Variants in TTC29 observed in about 807,000 individuals in gnomAD.
The protein encoded by TTC29 is tetratricopeptide repeat domain 29.
Under a neutral mutation model 58.1 loss-of-function variants are expected in TTC29, and 49 were observed. That is an observed-to-expected ratio of 0.84 (90% CI 0.67 to 1.07). The LOEUF is 1.07. Among genes scored for constraint, TTC29 ranks in the 50% least tolerant of loss-of-function variants. The pLI, the probability that TTC29 is intolerant of heterozygous loss-of-function variation, is 0.00. For synonymous variants in TTC29, 209 were observed against 196.8 expected (o/e 1.06, Z -0.52); for missense variants, 582 against 555.6 (o/e 1.05, Z -0.48).
At chr4:146,776,213 C>T (rs372327897) in intron 11 of TTC29, among the ~76,000 whole-genome samples, 1 of 152,122 alleles carries the variant, frequency 6.6e-6, no homozygotes, top group Admixed American at 6.5e-5. Context: ...TCCTTAGATT[C>T]CTTGGATTGG....
intron 7 of TTC29, among the ~76,000 whole-genome samples, chr4:146,874,021 TAAG>T (rs1160986618): frequency 6.6e-6 from 1 of 152,188 alleles, no homozygotes; most frequent in East Asian, 1.9e-4. Context: ...TAAAAGCTTA[TAAG>T]AATATGCTCC....
intron 6 of TTC29, among the ~76,000 whole-genome samples, chr4:146,883,887 G>T (rs995299983): frequency 3.3e-5 from 5 of 151,948 alleles, no homozygotes; most frequent in African/African-American, 1.2e-4. Flanking sequence ...TGAAAAAAAA[G>T]AAGCAATGAA....
chr4:146,769,505 G>T lies in TTC29; in HGVS notation c.1330+33952C>A, dbSNP rs1747563124. Among the ~76,000 whole-genome samples, 6 of 151,978 alleles carry T rather than the reference G, an allele frequency of 3.9e-5. No homozygotes were observed. The South Asian group carries it at 1.0e-3, about 26-fold the overall frequency. On this transcript the variant is annotated intron_variant, in intron 11 of 12. Coordinates refer to ENST00000325106, the MANE Select transcript of TTC29 (RefSeq NM_031956.4). ...TCTAGCTTTTAGATACTAAAATAGGGATTAAGCATATATTTTTTATGCCTA... is the reference window on the plus strand; with the variant it reads ...TCTAGCTTTTAGATACTAAAATAGGTATTAAGCATATATTTTTTATGCCTA...
chr4:146,870,341 T>C (rs1367598569), intron 7 of TTC29, among the ~76,000 whole-genome samples: 1 of 151,944 alleles, frequency 6.6e-6, no homozygotes, highest in Non-Finnish European at 1.5e-5. Flanking sequence ...CCAAAATGTA[T>C]GGGATACAAC....
chr4:146,800,770 A>C (rs1750159406), intron 11 of TTC29, among the ~76,000 whole-genome samples: 1 of 152,236 alleles, frequency 6.6e-6, no homozygotes, highest in Admixed American at 6.5e-5. Flanking sequence ...TACCTAGTAG[A>C]TGCCAAACAT....
chr4:146,885,565 T>A (rs958976560), intron 6 of TTC29, among the ~76,000 whole-genome samples: 1 of 152,100 alleles, frequency 6.6e-6, no homozygotes, highest in Non-Finnish European at 1.5e-5. Context: ...GGATATACAC[T>A]TTAATCATCT....
intron 11 of TTC29, among the ~76,000 whole-genome samples, chr4:146,721,334 G>A (rs951054414): frequency 2.0e-5 from 3 of 152,080 alleles, no homozygotes; most frequent in Non-Finnish European, 2.9e-5. Context: ...AAGTGCACAC[G>A]ATACAAATGT....
intron 11 of TTC29, among the ~76,000 whole-genome samples, chr4:146,753,437 C>G (rs1001282449): frequency 2.0e-5 from 3 of 152,164 alleles, no homozygotes; most frequent in African/African-American, 7.2e-5. Flanking sequence ...AATAGGAACA[C>G]TTTTACACTG....
intron 9 of TTC29, among the ~76,000 whole-genome samples, chr4:146,827,688 A>G (rs1727900080): frequency 5.9e-5 from 9 of 152,190 alleles, no homozygotes; most frequent in Admixed American, 5.9e-4. Flanking sequence ...GTGGGATTAA[A>G]AATTGTGTAA....
chr4:146,885,032 G>A (rs1343593611), intron 6 of TTC29, among the ~76,000 whole-genome samples: 1 of 151,884 alleles, frequency 6.6e-6, no homozygotes, highest in African/African-American at 2.4e-5. Flanking sequence ...TCTCATACAT[G>A]AATACAATAC....
intron 11 of TTC29, among the ~76,000 whole-genome samples, chr4:146,801,927 C>T (rs187529067): frequency 3.7e-4 from 46 of 125,528 alleles, no homozygotes; most frequent in Admixed American, 2.0e-3. Flanking sequence ...TGCAGTGAGC[C>T]GAGATCATGC....
At position 146,874,804 on chromosome 4, in the gene TTC29, G is replaced by A. The variant is rs991090869; in HGVS notation, c.711C>T (p.Tyr237=). 1.2e-6 allele frequency: 2 copies of A among 1,612,530 alleles called. No homozygotes were observed. Among genetic ancestry groups the A allele is most frequent in the Non-Finnish European group, 1.7e-6 (2 of 1,179,428 alleles). ...CTAGCATTTTGTCTGAGAGTAATCT[G>A]TAAGTCCTCAGGAGACTCTCACAGG... ...LLACESLLRT[Y]RLLSDKMLEN... is the part of the protein sequence containing the mutation. Residue 237 remains tyrosine, a synonymous_variant, in exon 7 of 13, where the codon TAC becomes TAT. Coordinates refer to ENST00000325106, the MANE Select transcript of TTC29 (RefSeq NM_031956.4).
chr4:146,903,877 ATTTAT>A lies in TTC29; in HGVS notation c.401-153_401-149del, dbSNP rs557496731. ...AAATTGGGTCTAAAAGCAAAAATTAATTTATTTTAACTATTATATTAATTACATTA... is the reference window on the plus strand; with the variant it reads ...AAATTGGGTCTAAAAGCAAAAATTAATTTAACTATTATATTAATTACATTA... On this transcript the variant is annotated intron_variant, in intron 5 of 12. Transcript: ENST00000325106. The A allele has an allele frequency of 1.8e-3, 885 of 492,798 alleles. 7 individuals carry two copies. The highest frequency in any genetic ancestry group is 0.014 in the African/African-American group (714 of 49,962). The allele number at this position is 492,798 out of a possible 1,614,324, so 30.5% of individuals were successfully genotyped here.
At chr4:146,881,324 T>C (rs1394334432) in intron 6 of TTC29, among the ~76,000 whole-genome samples, 1 of 152,170 alleles carries the variant, frequency 6.6e-6, no homozygotes, top group Non-Finnish European at 1.5e-5. Context: ...ATAAGACCTA[T>C]TTCTTCAGCA....
At chr4:146,758,981 T>C (rs533194396) in intron 11 of TTC29, among the ~76,000 whole-genome samples, 33 of 151,186 alleles carry the variant, frequency 2.2e-4, no homozygotes, top group South Asian at 1.3e-3. Flanking sequence ...AGAAAGGAAA[T>C]AACCAAGATC....
At chr4:146,839,535 C>CATGT (rs144855158) in intron 8 of TTC29, among the ~76,000 whole-genome samples, 3 of 140,562 alleles carry the variant, frequency 2.1e-5, no homozygotes, top group Admixed American at 7.2e-5. Flanking sequence ...TACATGAACT[C>CATGT]GTGTGTGTGT....
chr4:146,772,156 GT>G (rs1747789646), intron 11 of TTC29, among the ~76,000 whole-genome samples: 1 of 152,034 alleles, frequency 6.6e-6, no homozygotes, highest in Non-Finnish European at 1.5e-5. Flanking sequence ...TTAGACCTTT[GT>G]TGGATGTGTA....
intron 11 of TTC29, among the ~76,000 whole-genome samples, chr4:146,723,199 A>G (rs1375453894): frequency 6.6e-6 from 1 of 152,054 alleles, no homozygotes; most frequent in African/African-American, 2.4e-5. Flanking sequence ...CTGAGCCAAG[A>G]TCACACCATT....
intron 10 of TTC29, among the ~76,000 whole-genome samples, chr4:146,807,218 C>G (rs2150123960): frequency 6.6e-6 from 1 of 152,302 alleles, no homozygotes; most frequent in South Asian, 2.1e-4. Flanking sequence ...GTATCAGAAT[C>G]TCTGGGACAC....
Sources: gnomAD v4.1 joint callset for allele counts (sites outside exome capture counted in the v4.1 genomes callset) on GRCh38, gnomAD v4.1.1 for gene constraint, MANE v1.5 for transcripts, NCBI Gene and HGNC (gene_info 2026-07-23, HGNC 2026-07-21) for gene names.